The following POLK variants were observed in gnomAD, a reference collection of about 807,000 sequenced individuals.
POLK encodes polymerase (DNA directed) kappa.
In POLK, 76 loss-of-function variants were observed where a neutral mutation model predicts 94.0. The observed-to-expected ratio is 0.81, with a 90% CI of 0.67 to 0.98. The LOEUF (loss-of-function observed/expected upper bound fraction) is 0.98, where lower values mean the gene tolerates loss of function less well. Ranked by LOEUF, POLK falls within the 50% of genes least tolerant of loss-of-function variation. The pLI is 0.00. For missense variants in POLK, 954 were observed against 1,010.1 expected (o/e 0.94, Z 0.75); for synonymous variants, 349 against 325.4 (o/e 1.07, Z -0.78).
intron 2 of POLK, among the ~76,000 whole-genome samples, chr5:75,551,751 C>T (rs1167352886): frequency 1.3e-5 from 2 of 152,136 alleles, no homozygotes; most frequent in Non-Finnish European, 2.9e-5. Context: ...AATTGGAACC[C>T]TCCTACGTTG....
chr5:75,564,111 G>A lies in POLK; in HGVS notation c.256-5229G>A, dbSNP rs181464735. On this transcript the variant is annotated intron_variant, in intron 3 of 14. Coordinates refer to ENST00000241436, the Ensembl canonical transcript of POLK. The stretch of plus-strand genomic sequence containing the variant: ...GGTGCATATATGTTTAGGATAGTTA[G>A]CTCTTCTTGTTACATTGATCCCTTT... 1.0e-3 allele frequency among the ~76,000 whole-genome samples: 153 copies of A among 152,256 alleles called. 2 individuals carry two copies. Among genetic ancestry groups the A allele is most frequent in the Non-Finnish European group, 1.8e-3 (122 of 68,014 alleles).
intron 1 of POLK, among the ~76,000 whole-genome samples, chr5:75,532,857 T>C (rs182315696): frequency 1.9e-4 from 29 of 152,322 alleles, no homozygotes; most frequent in African/African-American, 7.0e-4. Flanking sequence ...CATTTTTTCA[T>C]ATGTTTGTTA....
intron 5 of POLK, among the ~76,000 whole-genome samples, chr5:75,574,179 A>G (rs565731987): frequency 9.8e-4 from 149 of 152,268 alleles, no homozygotes; most frequent in Middle Eastern, 3.4e-3. Context: ...CTTAATGTAC[A>G]ATATACATTT....
At chr5:75,520,284 A>G (rs533468483) in intron 1 of POLK, among the ~76,000 whole-genome samples, 4 of 152,336 alleles carry the variant, frequency 2.6e-5, no homozygotes, top group African/African-American at 9.6e-5. Flanking sequence ...TGTTTTTAAC[A>G]AGTTTGTCTT....
intron 12 of POLK, among the ~76,000 whole-genome samples, chr5:75,595,334 C>T (rs1042276756): frequency 8.9e-5 from 13 of 146,802 alleles, no homozygotes; most frequent in African/African-American, 1.5e-4. Flanking sequence ...GAAGCAAGCA[C>T]GATGTCCTTC....
rs375257849 is a variant in POLK at position 75,537,000 on chromosome 5, T to C, written c.-13-10010T>C. Among the ~76,000 whole-genome samples, 145 of 152,190 alleles carry C rather than the reference T, an allele frequency of 9.5e-4. 1 individual carries two copies. The highest frequency in any genetic ancestry group is 3.3e-3 in the African/African-American group (137 of 41,538). ...GCTGGGCTAGAAGCTCTAGCAAGCA[T>C]TGTCTGCCTGGCTACCTGTGGCAAG... On this transcript the variant is annotated intron_variant, in intron 1 of 14. Transcript: ENST00000241436.
intron 6 of POLK, among the ~76,000 whole-genome samples, chr5:75,577,411 T>A (rs1185296532): frequency 6.6e-6 from 1 of 152,216 alleles, no homozygotes; most frequent in African/African-American, 2.4e-5. Flanking sequence ...CCAAAATTAA[T>A]GACTTCCCAC....
At chr5:75,599,985 C>G (rs2112911972) in exon 15 of POLK, 1 of 152,148 alleles carries the variant, frequency 6.6e-6, no homozygotes, top group Non-Finnish European at 1.5e-5. Flanking sequence ...GAAGAAAATA[C>G]AGCAAAACTA....
chr5:75,537,810 A>C (rs151039726), intron 1 of POLK, among the ~76,000 whole-genome samples: 1 of 152,094 alleles, frequency 6.6e-6, no homozygotes, highest in African/African-American at 2.4e-5. Flanking sequence ...TAGAAAATGT[A>C]TATTTTATTT....
upstream of POLK, chr5:75,511,043 C>T: frequency 1.4e-6 from 2 of 1,456,002 alleles, no homozygotes; most frequent in South Asian, 1.4e-5. Context: ...CCCCACCCCA[C>T]CGCCTCAGCG....
chr5:75,586,559 C>T (rs745416215), intron 9 of POLK, among the ~76,000 whole-genome samples: 2 of 151,964 alleles, frequency 1.3e-5, no homozygotes, highest in Non-Finnish European at 2.9e-5. Context: ...TAGCTGTGTA[C>T]CAAATTCTGA....
At chr5:75,583,353 A>C in exon 8 of POLK, 1 of 1,604,822 alleles carries the variant, frequency 6.2e-7, no homozygotes, top group Non-Finnish European at 8.5e-7. Flanking sequence ...CCAAATGGAC[A>C]ATACCAAATT....
chr5:75,525,534 G>T (rs1768797057), intron 1 of POLK, among the ~76,000 whole-genome samples: 1 of 152,168 alleles, frequency 6.6e-6, no homozygotes, highest in African/African-American at 2.4e-5. Flanking sequence ...TCAGGTACCT[G>T]TGGAACAACA....
At position 75,569,393 on chromosome 5, in the gene POLK, A is replaced by C. The variant is rs138995469; in HGVS notation, c.309A>C (p.Ile103=). The C allele has an allele frequency of 5.6e-6, 9 of 1,613,468 alleles. No individual in the cohort carries two copies. The East Asian group carries it at 2.0e-4, about 36-fold the overall frequency. Residue 103 remains isoleucine (I), a synonymous_variant, in exon 4 of 15, where the codon ATA becomes ATC. Transcript: ENST00000241436. Reference sequence around the variant, plus strand: ...AAAGCCGAAATTTGAGCAATACCATAGTGCACATTGACATGGATGCTTTCT... The same window carrying C: ...AAAGCCGAAATTTGAGCAATACCATCGTGCACATTGACATGGATGCTTTCT...
At chr5:75,515,153 G>C (rs1768264445) in intron 1 of POLK, among the ~76,000 whole-genome samples, 1 of 152,032 alleles carries the variant, frequency 6.6e-6, no homozygotes, top group African/African-American at 2.4e-5. Flanking sequence ...CCCTTGTCTT[G>C]TGTTGCTACT....
chr5:75,568,811 T>C, intron 3 of POLK: 1 of 209,834 alleles, frequency 4.8e-6, no homozygotes. Context: ...TTGTTGTATA[T>C]TTCCTTTGTT....
intron 3 of POLK, among the ~76,000 whole-genome samples, 166 bp from the exon 4 acceptor site, chr5:75,569,174 C>T (rs917135748): frequency 6.6e-6 from 1 of 151,868 alleles, no homozygotes; most frequent in African/African-American, 2.4e-5. Flanking sequence ...AAAATACACA[C>T]CCATAAGTAA....
At chr5:75,526,695 C>G (rs1768867750) in intron 1 of POLK, among the ~76,000 whole-genome samples, 1 of 151,260 alleles carries the variant, frequency 6.6e-6, no homozygotes, top group Non-Finnish European at 1.5e-5. Context: ...GATTCTCGTG[C>G]CTTAGCCTCC....
intron 3 of POLK, among the ~76,000 whole-genome samples, chr5:75,564,847 T>G (rs914916758): frequency 2.0e-5 from 3 of 152,176 alleles, no homozygotes; most frequent in Non-Finnish European, 2.9e-5. Flanking sequence ...GTGAATCTGA[T>G]GATTATGTGT....
Sources: gnomAD v4.1 joint callset for allele counts (sites outside exome capture counted in the v4.1 genomes callset) on GRCh38, gnomAD v4.1.1 for gene constraint, MANE v1.5 for transcripts, NCBI Gene and HGNC (gene_info 2026-07-23, HGNC 2026-07-21) for gene names.